Variants in USP25 observed in about 807,000 individuals in gnomAD.
The protein encoded by USP25 is ubiquitin specific peptidase 25.
USP25 carries 85 observed loss-of-function variants against 158.5 expected under a neutral mutation model. The ratio of observed to expected loss-of-function variants is 0.54; its 90% CI spans 0.45 to 0.64. The LOEUF (loss-of-function observed/expected upper bound fraction) is 0.64, where lower values mean the gene tolerates loss of function less well. Ranked by LOEUF, USP25 falls within the 30% of genes least tolerant of loss-of-function variation. USP25 has a pLI of 0.00. For synonymous variants in USP25, 464 were observed against 460.4 expected, an observed-to-expected ratio of 1.01 and a Z score of -0.10; for missense variants, 1,242 against 1,327.3, an observed-to-expected ratio of 0.94 and a Z score of 1.00.
At chr21:15,773,432 A>G (rs1158039841) in intron 3 of USP25, 3 of 148,038 alleles carry the variant, frequency 2.0e-5, no homozygotes, top group African/African-American at 2.4e-5. Context: ...CTTTGTCACA[A>G]TGATTATTGC....
chr21:15,776,961 T>A (rs2034691513), intron 3 of USP25, among the ~76,000 whole-genome samples: 2 of 152,208 alleles, frequency 1.3e-5, no homozygotes, highest in Non-Finnish European at 2.9e-5. Flanking sequence ...TCTGATCATA[T>A]TATTTTGTAA....
intron 18 of USP25, among the ~76,000 whole-genome samples, chr21:15,846,990 A>G (rs1211622661): frequency 6.6e-6 from 1 of 152,160 alleles, no homozygotes; most frequent in East Asian, 1.9e-4. Flanking sequence ...TCAGCTTCCA[A>G]CAGCTTTTTC....
chr21:15,730,591 G>A (rs1183328759), intron 1 of USP25, among the ~76,000 whole-genome samples, 153 bp downstream of exon 1: 1 of 152,132 alleles, frequency 6.6e-6, no homozygotes, highest in African/African-American at 2.4e-5. Context: ...CGGGGGCGTC[G>A]CGCCCAGAGC....
intron 21 of USP25, among the ~76,000 whole-genome samples, chr21:15,865,998 A>G (rs2039639145): frequency 6.6e-6 from 1 of 152,054 alleles, no homozygotes; most frequent in South Asian, 2.1e-4. Context: ...TCCTATGCAA[A>G]CTGTGTTAAT....
At chr21:15,783,246 A>G (rs1174513912) in intron 4 of USP25, among the ~76,000 whole-genome samples, 1 of 152,158 alleles carries the variant, frequency 6.6e-6, no homozygotes, top group Non-Finnish European at 1.5e-5. Flanking sequence ...AAGAAAGCCC[A>G]TAGGACTTAT....
intron 4 of USP25, 61 bp from the exon 5 acceptor site, chr21:15,791,441 G>A: frequency 6.9e-7 from 1 of 1,442,794 alleles, no homozygotes; most frequent in Non-Finnish European, 9.2e-7. Flanking sequence ...TTTAGAATGT[G>A]TGATATGCCT....
At chr21:15,776,989 A>G (rs531213938) in intron 3 of USP25, among the ~76,000 whole-genome samples, 38 of 152,336 alleles carry the variant, frequency 2.5e-4, no homozygotes, top group South Asian at 2.3e-3. Flanking sequence ...CCACTTCCCT[A>G]CTTAGCAATA....
At chr21:15,825,157 A>G in intron 12 of USP25, 96 bp downstream of exon 12, 4 of 846,200 alleles carry the variant, frequency 4.7e-6, no homozygotes, top group Non-Finnish European at 7.3e-6. Context: ...GTGATTTATA[A>G]TTTTAGGAGT....
In USP25 at chr21:15,818,941, A is replaced by G. The variant is rs1601016930; in HGVS notation, c.1080+95A>G. 3.6e-6 allele frequency: 5 copies of G among 1,372,606 alleles called. No homozygotes were observed. In the East Asian group the frequency reaches 1.2e-4, roughly 32 times the overall value. The allele number at this position is 1,372,606 out of a possible 1,614,324, so 85.0% of individuals were successfully genotyped here. On this transcript the variant is annotated intron_variant, in intron 10 of 25. Coordinates refer to ENST00000400183, the MANE Select transcript of USP25 (RefSeq NM_001283041.3). ...GGTTCTAATTATAGAGCTACCTAAT[A>G]ATTGAGAGAGAATACTCAGAGAGTA...
rs754123013 is a variant in USP25, at chr21:15,878,351, G to A, written c.3254G>A (p.Cys1085Tyr). 3.1e-6 allele frequency: 5 copies of A among 1,613,916 alleles called. No homozygotes were observed. The highest frequency in any genetic ancestry group is 4.2e-6 in the Non-Finnish European group (5 of 1,179,908). ...LTDFLPKLLD[C>Y]SMEIKSFHEP... is the part of the protein sequence containing the mutation. Reference sequence around the variant, plus strand: ...GATTTTTTGCCAAAACTGCTTGATTGTTCTATGGAGATTAAAAGTTTCCAT... The same window carrying A: ...GATTTTTTGCCAAAACTGCTTGATTATTCTATGGAGATTAAAAGTTTCCAT... The change falls in exon 26 of 26, where the codon TGT becomes TAT. Residue 1085 changes from cysteine (C) to tyrosine (Y), a missense_variant. By Grantham distance (194) the Cys-to-Tyr change is radical. Transcript: ENST00000400183.
rs553734116 is a variant in USP25, at chr21:15,840,556, G to A, written c.2195-1842G>A. Among the ~76,000 whole-genome samples, 237 of 152,160 alleles carry A rather than the reference G, an allele frequency of 1.6e-3. 3 individuals are homozygous for A. The highest frequency in any genetic ancestry group is 6.8e-3 in the Middle Eastern group (2 of 294). On this transcript the variant is annotated intron_variant, in intron 17 of 25. Coordinates refer to ENST00000400183, the MANE Select transcript of USP25 (RefSeq NM_001283041.3). The stretch of plus-strand genomic sequence containing the variant: ...CGAAACCACTCACTTAAGTTCCCTA[G>A]GAGGTATATACATAGGGCAAACCCC...
At chr21:15,845,308 C>T (rs1231326137) in intron 18 of USP25, among the ~76,000 whole-genome samples, 1 of 152,074 alleles carries the variant, frequency 6.6e-6, no homozygotes, top group Non-Finnish European at 1.5e-5. Context: ...TTATTTTTAA[C>T]TCTTTTCAAG....
intron 20 of USP25, among the ~76,000 whole-genome samples, chr21:15,859,969 G>GTGTATA (rs1464163096): frequency 2.2e-5 from 3 of 138,480 alleles, no homozygotes; most frequent in African/African-American, 8.0e-5. Flanking sequence ...ATATATATAT[G>GTGTATA]TATATATATA....
chr21:15,774,522 T>C (rs2034532045), intron 3 of USP25, among the ~76,000 whole-genome samples: 1 of 152,166 alleles, frequency 6.6e-6, no homozygotes, highest in Non-Finnish European at 1.5e-5. Context: ...TGCCAAATAC[T>C]GAAGTCTGAA....
chr21:15,780,508 A>G (rs1314755692), intron 4 of USP25, among the ~76,000 whole-genome samples: 1 of 152,176 alleles, frequency 6.6e-6, no homozygotes, highest in Admixed American at 6.5e-5. Context: ...TGCCTCATGA[A>G]ATAACTTTGA....
chr21:15,859,568 T>TA (rs1478805626), intron 20 of USP25, among the ~76,000 whole-genome samples: 1 of 152,104 alleles, frequency 6.6e-6, no homozygotes, highest in Non-Finnish European at 1.5e-5. Flanking sequence ...AGATTTGACA[T>TA]AACAGCCCAG....
intron 20 of USP25, among the ~76,000 whole-genome samples, chr21:15,850,300 T>C (rs2146486486): frequency 6.6e-6 from 1 of 152,160 alleles, no homozygotes; most frequent in Non-Finnish European, 1.5e-5. Flanking sequence ...AATTGCTTTT[T>C]CGTTTATAAA....
chr21:15,730,293 G>A lies in USP25; in HGVS notation c.-101G>A. 1.0e-6 allele frequency: 1 copy of A among 998,140 alleles called. No individual in the cohort carries two copies. Among genetic ancestry groups the A allele is most frequent in the South Asian group, 4.5e-5 (1 of 22,154 alleles). 61.8% of individuals were successfully genotyped at this position (998,140 alleles called of 1,614,324 possible). ...GGGGCGCTGTCCTCCCAGGCCGTCCGCGCCGCTCCCTGGAGCTCGGCGGAG... is the reference window on the plus strand; with the variant it reads ...GGGGCGCTGTCCTCCCAGGCCGTCCACGCCGCTCCCTGGAGCTCGGCGGAG... On this transcript the variant is annotated 5_prime_UTR_variant, in exon 1 of 26. Transcript: ENST00000400183.
At chr21:15,783,252 C>G (rs1417505780) in intron 4 of USP25, among the ~76,000 whole-genome samples, 1 of 151,512 alleles carries the variant, frequency 6.6e-6, no homozygotes, top group Non-Finnish European at 1.5e-5. Flanking sequence ...GCCCATAGGA[C>G]TTATCAGACA....
Sources: allele counts gnomAD v4.1 joint callset (sites outside exome capture counted in the v4.1 genomes callset), GRCh38; gene constraint gnomAD v4.1.1; transcripts MANE v1.5; gene names NCBI Gene and HGNC (gene_info 2026-07-23, HGNC 2026-07-21).